The following ADARB1 variants were observed in gnomAD, a reference collection of about 807,000 sequenced individuals.
ADARB1 encodes the protein adenosine deaminase RNA specific B1.
In ADARB1, 10 loss-of-function variants were observed where a neutral mutation model predicts 52.4. The observed-to-expected ratio is 0.19, with a 90% CI of 0.12 to 0.32. The LOEUF is 0.32. ADARB1 is among the 10% of genes least tolerant of loss of function. The pLI is 1.00. For synonymous variants in ADARB1, 349 were observed against 371.1 expected, an observed-to-expected ratio of 0.94 and a Z score of 0.68; for missense variants, 643 against 922.3, an observed-to-expected ratio of 0.70 and a Z score of 3.92.
chr21:45,098,056 C>G (rs1202222868), intron 1 of ADARB1, among the ~76,000 whole-genome samples: 1 of 152,240 alleles, frequency 6.6e-6, no homozygotes, highest in African/African-American at 2.4e-5. Flanking sequence ...CTTTCCCTCA[C>G]CGTCACACCC....
Position 45,176,279 on chromosome 21 carries a change from G to C in ADARB1, c.578G>C (p.Gly193Ala), listed in dbSNP as rs976576379. ...PDKAEPPFYV[G>A]SNGDDSFSSS... ...AAGGCGGAGCCTCCCTTTTACGTGG[G>C]CTCCAATGGGGATGACTCCTTCAGT... Residue 193 changes from glycine to alanine, a missense_variant, in exon 4 of 11, where the codon GGC becomes GCC. Transcript: ENST00000348831. This position sits in a 1 kb window ranked among gnomAD's most constrained non-coding sequence, Gnocchi z 5.8. 6.2e-7 allele frequency: 1 copy of C among 1,614,034 alleles called. No individual in the cohort carries two copies. Among genetic ancestry groups the C allele is most frequent in the Non-Finnish European group, 8.5e-7 (1 of 1,180,024 alleles).
chr21:45,103,509 A>G (rs2087116452), intron 1 of ADARB1, among the ~76,000 whole-genome samples: 1 of 151,890 alleles, frequency 6.6e-6, no homozygotes, highest in Middle Eastern at 3.4e-3. Context: ...ATCATCAGAC[A>G]TTGGATTCTT....
intron 2 of ADARB1, among the ~76,000 whole-genome samples, chr21:45,166,895 G>A (rs1199757189): frequency 6.6e-6 from 1 of 150,886 alleles, no homozygotes. Flanking sequence ...TTTTTTAATT[G>A]ACCATTCTTG....
At chr21:45,134,107 G>A (rs1419461906) in intron 2 of ADARB1, among the ~76,000 whole-genome samples, 1 of 108,608 alleles carries the variant, frequency 9.2e-6, no homozygotes. Context: ...GTGTGTGCCC[G>A]ACAGTGGTGT....
At position 45,128,711 on chromosome 21, in the gene ADARB1, T is replaced by C. The variant is rs1450890445; in HGVS notation, c.-48+138T>C. The stretch of plus-strand genomic sequence containing the variant: ...AATACTTCCCGGCACAGATGATCTG[T>C]TACTGTTGGTTGATTTCTAATCTTA... On this transcript the variant is annotated intron_variant, in intron 2 of 10. Coordinates refer to ENST00000348831, the MANE Select transcript of ADARB1 (RefSeq NM_001112.4). This position sits in a 1 kb window ranked among gnomAD's most constrained non-coding sequence, Gnocchi z 4.6. The C allele has an allele frequency of 6.6e-6, 1 of 152,270 alleles. No individual in the cohort carries two copies. The highest frequency in any genetic ancestry group is 1.9e-4 in the East Asian group (1 of 5,204). 9.4% of individuals were successfully genotyped at this position (152,270 alleles called of 1,614,324 possible).
chr21:45,151,516 T>G (rs1379147262), intron 2 of ADARB1, among the ~76,000 whole-genome samples: 7 of 152,168 alleles, frequency 4.6e-5, no homozygotes, highest in Non-Finnish European at 1.0e-4. Context: ...TTCTTTTGCC[T>G]ATGAGTGCTT....
chr21:45,095,112 A>G (rs1267920617), intron 1 of ADARB1, among the ~76,000 whole-genome samples: 2 of 152,234 alleles, frequency 1.3e-5, no homozygotes, highest in Non-Finnish European at 2.9e-5. Flanking sequence ...CCTGGTCTCA[A>G]TCAGTGTCTC....
rs569835296 is a variant in ADARB1 at position 45,138,010 on chromosome 21, G to A, written c.-48+9437G>A. Among the ~76,000 whole-genome samples the A allele has an allele frequency of 7.9e-5, 12 of 152,234 alleles. No homozygotes were observed. In the South Asian group the frequency reaches 2.5e-3, roughly 32 times the overall value. ...GAGTGATGCCCTCAAACTTAGAAGG[G>A]CTTTTGATGAGAAGCGATAGAGTAT... On this transcript the variant is annotated intron_variant, in intron 2 of 10. Coordinates refer to ENST00000348831, the MANE Select transcript of ADARB1 (RefSeq NM_001112.4).
intron 2 of ADARB1, among the ~76,000 whole-genome samples, chr21:45,169,479 C>T (rs2091394890): frequency 6.6e-6 from 1 of 152,168 alleles, no homozygotes; most frequent in South Asian, 2.1e-4. Flanking sequence ...CTGGCTTCCT[C>T]AGCTCTATGT....
intron 1 of ADARB1, among the ~76,000 whole-genome samples, chr21:45,105,913 T>G (rs763649539): frequency 2.0e-5 from 3 of 152,232 alleles, no homozygotes; most frequent in Non-Finnish European, 4.4e-5. Context: ...CTAGGAATTT[T>G]GGCTGAAATC....
intron 1 of ADARB1, among the ~76,000 whole-genome samples, chr21:45,081,602 A>G (rs1380861919): frequency 6.6e-6 from 1 of 152,136 alleles, no homozygotes; most frequent in Non-Finnish European, 1.5e-5. Context: ...ATAGGATCGG[A>G]ACTCCACCGT....
intron 8 of ADARB1, among the ~76,000 whole-genome samples, chr21:45,188,019 G>A (rs2092165189): frequency 6.6e-6 from 1 of 152,044 alleles, no homozygotes; most frequent in African/African-American, 2.4e-5. Context: ...GCTTGGAAAT[G>A]TTCTCTTTAG....
rs566704631 is a variant in ADARB1, at chr21:45,205,910, T to C, written c.1747+1174T>C. 3.3e-5 allele frequency among the ~76,000 whole-genome samples: 5 copies of C among 152,302 alleles called. No individual in the cohort carries two copies. In the South Asian group the frequency reaches 1.0e-3, roughly 32 times the overall value. On this transcript the variant is annotated intron_variant, in intron 9 of 10. Coordinates refer to ENST00000348831, the MANE Select transcript of ADARB1 (RefSeq NM_001112.4). ...TGCCTGGCAACTAGCACGCCTTTAA[T>C]TTGAGAAAAAGCAGTGTGGAATTTT...
intron 2 of ADARB1, among the ~76,000 whole-genome samples, chr21:45,133,138 C>T (rs942776349): frequency 3.0e-4 from 46 of 152,344 alleles, no homozygotes; most frequent in Non-Finnish European, 2.8e-4. Flanking sequence ...AGCCTCTGTT[C>T]AGAAGCCTGA....
chr21:45,087,655 G>A (rs968711016), intron 1 of ADARB1, among the ~76,000 whole-genome samples: 2 of 152,114 alleles, frequency 1.3e-5, no homozygotes, highest in East Asian at 3.8e-4. Flanking sequence ...ACCTTTTAGT[G>A]TGGCCCAGCT....
chr21:45,125,238 C>G (rs1291292629), intron 1 of ADARB1, among the ~76,000 whole-genome samples: 1 of 152,202 alleles, frequency 6.6e-6, no homozygotes, highest in Non-Finnish European at 1.5e-5. Flanking sequence ...CTCTTGCCGC[C>G]TGATGACCCA....
At chr21:45,132,572 G>C (rs2089019393) in intron 2 of ADARB1, among the ~76,000 whole-genome samples, 1 of 152,196 alleles carries the variant, frequency 6.6e-6, no homozygotes, top group Non-Finnish European at 1.5e-5. Flanking sequence ...GTGGGGGCTG[G>C]GTGGGCACTG....
intron 2 of ADARB1, among the ~76,000 whole-genome samples, chr21:45,130,969 T>G (rs548728942): frequency 2.0e-4 from 31 of 152,324 alleles, no homozygotes; most frequent in African/African-American, 7.5e-4. Flanking sequence ...CTGGAAAGCT[T>G]TCTCAGTCTT....
intron 2 of ADARB1, among the ~76,000 whole-genome samples, chr21:45,132,875 G>C (rs1489856278): frequency 6.6e-6 from 1 of 152,210 alleles, no homozygotes; most frequent in Admixed American, 6.5e-5. Flanking sequence ...TTTAGGGCTA[G>C]AGATAGACGA....
Sources: allele counts gnomAD v4.1 joint callset (sites outside exome capture counted in the v4.1 genomes callset), GRCh38; gene constraint gnomAD v4.1.1; non-coding constraint Gnocchi (gnomAD v3.1); transcripts MANE v1.5; gene names NCBI Gene and HGNC (gene_info 2026-07-23, HGNC 2026-07-21).